Variants in IGSF3 observed in about 807,000 individuals in gnomAD.
IGSF3 encodes glu-Trp-Ile EWI motif-containing protein 3.
IGSF3 carries 23 observed loss-of-function variants against 114.4 expected under a neutral mutation model. The observed-to-expected ratio is 0.20, with a 90% CI of 0.14 to 0.28. The LOEUF (loss-of-function observed/expected upper bound fraction) is 0.28. IGSF3 is among the 10% of genes least tolerant of loss of function. The pLI is 1.00. For missense variants in IGSF3, 1,172 were observed against 1,591.5 expected (o/e 0.74, Z 4.48); for synonymous variants, 571 against 645.2 (o/e 0.88, Z 1.74).
At chr1:116,667,255 G>A (rs1557891861) in intron 1 of IGSF3, among the ~76,000 whole-genome samples, 1 of 152,132 alleles carries the variant, frequency 6.6e-6, no homozygotes, top group Non-Finnish European at 1.5e-5. Context: ...CTCCGCCAGG[G>A]CAAATCGGGA....
rs36073300 is a variant in IGSF3, at chr1:116,583,781, G to GT, written c.2848+863dup. Among the ~76,000 whole-genome samples, 4,598 of 152,246 alleles carry GT rather than the reference G, an allele frequency of 0.03. 100 individuals carry two copies. The highest frequency in any genetic ancestry group is 0.047 in the Non-Finnish European group (3,175 of 68,026). On this transcript the variant is annotated intron_variant, in intron 9 of 10. Coordinates refer to ENST00000369486, the MANE Select transcript of IGSF3 (RefSeq NM_001007237.3). This position sits in a 1 kb window ranked among gnomAD's most constrained non-coding sequence, Gnocchi z 4.5. ...CTGCACATCGTAGCTTTGATTATGTGTTTAAATGTGCAACAACAATTATAC... is the reference window on the plus strand; with the variant it reads ...CTGCACATCGTAGCTTTGATTATGTGTTTTAAATGTGCAACAACAATTATAC...
chr1:116,615,286 TACAC>T lies in IGSF3; in HGVS notation c.421+790_421+793del, dbSNP rs149128129. Among the ~76,000 whole-genome samples the T allele has an allele frequency of 2.8e-5, 4 of 142,770 alleles. No individual in the cohort carries two copies. Among genetic ancestry groups the T allele is most frequent in the African/African-American group, 5.2e-5 (2 of 38,676 alleles). The allele number at this position is 142,770 out of a possible 152,430, so 93.7% of individuals were successfully genotyped here. A position where few individuals can be genotyped will look rare whatever the true frequency, so the allele number is the denominator to read the frequency against. On this transcript the variant is annotated intron_variant, in intron 3 of 10. Transcript: ENST00000369486. This position sits in a 1 kb window ranked among gnomAD's most constrained non-coding sequence, Gnocchi z 4.3. ...CGAAGCTCCATCACACATACACACA[TACAC>T]ACACACACACACACACGAAAAAAAA... is the stretch of plus-strand genomic sequence containing the variant.
In IGSF3 at chr1:116,585,941, G is replaced by C. The variant is rs1659825522; in HGVS notation, c.2441-889C>G. ...GAAAAGATTGCTACTGATGGAACTG[G>C]GTGCTTTGAAAACTCAGCCAAGCAG... is the stretch of plus-strand genomic sequence containing the variant. On this transcript the variant is annotated intron_variant, in intron 8 of 10. Coordinates refer to ENST00000369486, the MANE Select transcript of IGSF3 (RefSeq NM_001007237.3). The surrounding 1 kb of genome is among the most constrained non-coding windows in gnomAD (Gnocchi z 4.9). Among the ~76,000 whole-genome samples, 1 of 152,162 alleles carries C rather than the reference G, an allele frequency of 6.6e-6. No homozygotes were observed. The highest frequency in any genetic ancestry group is 2.1e-4 in the South Asian group (1 of 4,826).
intron 4 of IGSF3, among the ~76,000 whole-genome samples, chr1:116,611,999 C>T (rs1281879527): frequency 2.0e-5 from 3 of 152,178 alleles, no homozygotes; most frequent in African/African-American, 7.2e-5. Context: ...CTAAACAGCA[C>T]AGGAATGCAG....
At chr1:116,606,055 C>G (rs1571148315) in intron 5 of IGSF3, among the ~76,000 whole-genome samples, 1 of 152,216 alleles carries the variant, frequency 6.6e-6, no homozygotes, top group Non-Finnish European at 1.5e-5. Flanking sequence ...CCCACTAACA[C>G]TATTTACAAG....
At chr1:116,639,316 C>G (rs1647977180) in intron 2 of IGSF3, among the ~76,000 whole-genome samples, 1 of 152,248 alleles carries the variant, frequency 6.6e-6, no homozygotes, top group South Asian at 2.1e-4. Context: ...TTGTGTCTTG[C>G]TAAAGATGGA....
chr1:116,590,206 C>T (rs868499555), intron 7 of IGSF3, among the ~76,000 whole-genome samples: 2 of 151,904 alleles, frequency 1.3e-5, no homozygotes, highest in Non-Finnish European at 2.9e-5. Flanking sequence ...GCCTGTGGAG[C>T]GCCTCCCCAG....
chr1:116,659,984 C>A lies in IGSF3; in HGVS notation c.43+6300G>T, dbSNP rs533434590. Reference sequence around the variant, plus strand: ...TGCACTGCACACCCAAAGCCAGGGACCACGAGAGGTCAGCAACTGGGACTG... The same window carrying A: ...TGCACTGCACACCCAAAGCCAGGGAACACGAGAGGTCAGCAACTGGGACTG... On this transcript the variant is annotated intron_variant, in intron 2 of 10. Coordinates refer to ENST00000369486, the MANE Select transcript of IGSF3 (RefSeq NM_001007237.3). Among the ~76,000 whole-genome samples, 123 of 152,286 alleles carry A rather than the reference C, an allele frequency of 8.1e-4. 1 individual carries two copies. Among genetic ancestry groups the A allele is most frequent in the Non-Finnish European group, 1.6e-3 (108 of 68,022 alleles).
Position 116,576,900 on chromosome 1 carries a change from T to C in IGSF3, c.*412A>G, listed in dbSNP as rs764938026. 3.0e-4 allele frequency: 47 copies of C among 159,322 alleles called. 1 individual carries two copies. Among genetic ancestry groups the C allele is most frequent in the Admixed American group, 1.8e-4 (3 of 16,282 alleles). The allele number at this position is 159,322 out of a possible 1,614,324, so 9.9% of individuals were successfully genotyped here. On this transcript the variant is annotated 3_prime_UTR_variant, in exon 11 of 11. Transcript: ENST00000369486. The surrounding 1 kb of genome is among the most constrained non-coding windows in gnomAD (Gnocchi z 4.6). ...AGTTCGCCCTTCCTTTTGCTGTCAG[T>C]TGTACGTAAGAGAAATTCGTCCACA...
At chr1:116,578,812 C>G (rs1478342674) in intron 10 of IGSF3, among the ~76,000 whole-genome samples, 1 of 152,146 alleles carries the variant, frequency 6.6e-6, no homozygotes, top group African/African-American at 2.4e-5. Flanking sequence ...GTGGAAGTCC[C>G]TCAGGATCAT....
Position 116,634,758 on chromosome 1 carries a change from T to C in IGSF3, c.44-18301A>G, listed in dbSNP as rs1647744576. 6.6e-6 allele frequency among the ~76,000 whole-genome samples: 1 copy of C among 152,100 alleles called. No homozygotes were observed. The highest frequency in any genetic ancestry group is 2.1e-4 in the South Asian group (1 of 4,820). On this transcript the variant is annotated intron_variant, in intron 2 of 10. Coordinates refer to ENST00000369486, the MANE Select transcript of IGSF3 (RefSeq NM_001007237.3). The surrounding 1 kb of genome is among the most constrained non-coding windows in gnomAD (Gnocchi z 4.2). ...TCCCTGAATCTAGGTGGGCTACAGC[T>C]CTGGTAGAAGTGACACTCTGTGACC... is the stretch of plus-strand genomic sequence containing the variant.
chr1:116,584,479 GA>G lies in IGSF3; in HGVS notation c.2848+165del, dbSNP rs1659728388. On this transcript the variant is annotated intron_variant, in intron 9 of 10. Coordinates refer to ENST00000369486, the MANE Select transcript of IGSF3 (RefSeq NM_001007237.3). The surrounding 1 kb of genome is among the most constrained non-coding windows in gnomAD (Gnocchi z 5.8). Reference sequence around the variant, plus strand: ...CAGACGTGCAATTTTCCATTCACAAGAAAAAAAATTCAGGCAATTTTGAATA... The same window carrying G: ...CAGACGTGCAATTTTCCATTCACAAGAAAAAAATTCAGGCAATTTTGAATA... 11 of 682,502 alleles carry G rather than the reference GA, an allele frequency of 1.6e-5. No individual in the cohort carries two copies. Among genetic ancestry groups the G allele is most frequent in the Admixed American group, 5.5e-5 (2 of 36,108 alleles). 42.3% of individuals were successfully genotyped at this position (682,502 alleles called of 1,614,324 possible).
chr1:116,602,251 G>A (rs1343467343), intron 6 of IGSF3, among the ~76,000 whole-genome samples: 1 of 151,908 alleles, frequency 6.6e-6, no homozygotes, highest in Non-Finnish European at 1.5e-5. Context: ...CCAGACATAT[G>A]GTGAGTAAGA....
At position 116,653,828 on chromosome 1, in the gene IGSF3, G is replaced by C. The variant is rs372766641; in HGVS notation, c.43+12456C>G. Among the ~76,000 whole-genome samples the C allele has an allele frequency of 7.2e-4, 109 of 152,320 alleles. 1 individual carries two copies. The highest frequency in any genetic ancestry group is 2.3e-3 in the African/African-American group (97 of 41,574). On this transcript the variant is annotated intron_variant, in intron 2 of 10. Coordinates refer to ENST00000369486, the MANE Select transcript of IGSF3 (RefSeq NM_001007237.3). Reference sequence around the variant, plus strand: ...GTTCAGAGGGATGCCCAGCCACAGAGGTGCCGAAACGCAGAACTGGAACCA... The same window carrying C: ...GTTCAGAGGGATGCCCAGCCACAGACGTGCCGAAACGCAGAACTGGAACCA...
chr1:116,608,098 C>A lies in IGSF3; in HGVS notation c.1066G>T (p.Asp356Tyr). 1 of 1,613,932 alleles carries A rather than the reference C, an allele frequency of 6.2e-7. No homozygotes were observed. The highest frequency in any genetic ancestry group is 1.1e-5 in the South Asian group (1 of 91,066). The change falls in exon 5 of 11, where the codon GAC becomes TAC. Residue 356 changes from aspartate to tyrosine, a missense_variant. By Grantham distance (160) the Asp-to-Tyr change is radical. Transcript: ENST00000369486. Reference protein sequence around the residue: ...RGQLKVAKESDSVFVLKIYHL... With the variant: ...RGQLKVAKESYSVFVLKIYHL... ...TAGATCTTCAGCACAAAGACACTGTCGCTCTCTTTGGCCACCTTAAGCTGT... is the reference window on the plus strand; with the variant it reads ...TAGATCTTCAGCACAAAGACACTGTAGCTCTCTTTGGCCACCTTAAGCTGT...
At chr1:116,601,229 GAGGTT>G (rs1431259156) in intron 6 of IGSF3, among the ~76,000 whole-genome samples, 1 of 152,226 alleles carries the variant, frequency 6.6e-6, no homozygotes, top group African/African-American at 2.4e-5. Context: ...GATGCAGAGA[GAGGTT>G]AGATAAATTG....
At chr1:116,656,744 A>G (rs1648873362) in intron 2 of IGSF3, among the ~76,000 whole-genome samples, 2 of 152,128 alleles carry the variant, frequency 1.3e-5, no homozygotes, top group African/African-American at 2.4e-5. Flanking sequence ...ACTGGCCAAC[A>G]TGGTGAAACC....
Position 116,577,389 on chromosome 1 carries a change from T to C in IGSF3, c.3508A>G (p.Lys1170Glu). 6.2e-7 allele frequency: 1 copy of C among 1,614,046 alleles called. No individual in the cohort carries two copies. Among genetic ancestry groups the C allele is most frequent in the Non-Finnish European group, 8.5e-7 (1 of 1,179,896 alleles). Residue 1170 changes from lysine to glutamate, a missense_variant, in exon 11 of 11, where the codon AAA becomes GAA. Lys to Glu is a moderately conservative substitution (Grantham distance 56). Coordinates refer to ENST00000369486, the MANE Select transcript of IGSF3 (RefSeq NM_001007237.3). This position sits in a 1 kb window ranked among gnomAD's most constrained non-coding sequence, Gnocchi z 5.7. Reference sequence around the variant, plus strand: ...GGGGAGTAGTTGAGGTGTGGCTCTTTGATCCACAGCAGAGGCACCCCATTC... The same window carrying C: ...GGGGAGTAGTTGAGGTGTGGCTCTTCGATCCACAGCAGAGGCACCCCATTC... Reference protein sequence around the residue: ...GKNGVPLLWIKEPHLNYSPTC... With the variant: ...GKNGVPLLWIEEPHLNYSPTC...
chr1:116,644,801 C>T lies in IGSF3; in HGVS notation c.43+21483G>A, dbSNP rs930833518. On this transcript the variant is annotated intron_variant, in intron 2 of 10. Coordinates refer to ENST00000369486, the MANE Select transcript of IGSF3 (RefSeq NM_001007237.3). This position sits in a 1 kb window ranked among gnomAD's most constrained non-coding sequence, Gnocchi z 5.6. ...AAGAAATTCCTGTGAAAAGGACAGGCTCAGGGCATGTGAATGTGATAGTCA... is the reference window on the plus strand; with the variant it reads ...AAGAAATTCCTGTGAAAAGGACAGGTTCAGGGCATGTGAATGTGATAGTCA... Among the ~76,000 whole-genome samples, 2 of 152,202 alleles carry T rather than the reference C, an allele frequency of 1.3e-5. No individual in the cohort carries two copies. The highest frequency in any genetic ancestry group is 2.4e-5 in the African/African-American group (1 of 41,450).
Sources: gnomAD v4.1 joint callset for allele counts (sites outside exome capture counted in the v4.1 genomes callset) on GRCh38, gnomAD v4.1.1 for gene constraint, Gnocchi (gnomAD v3.1) non-coding constraint, MANE v1.5 for transcripts, NCBI Gene and HGNC (gene_info 2026-07-23, HGNC 2026-07-21) for gene names.